Variants in ZNF69 observed in about 807,000 individuals in gnomAD.
ZNF69 encodes the protein ZNF3.
In ZNF69, 47 loss-of-function variants were observed where a neutral mutation model predicts 50.9. The ratio of observed to expected loss-of-function variants is 0.92; its 90% CI spans 0.73 to 1.18. The LOEUF (loss-of-function observed/expected upper bound fraction) is 1.18, where lower values mean the gene tolerates loss of function less well. Among genes scored for constraint, ZNF69 ranks in the 50% most tolerant of loss-of-function variants. The pLI, the probability that ZNF69 is intolerant of heterozygous loss-of-function variation, is 0.00. For synonymous variants in ZNF69, 216 were observed against 223.1 expected (o/e 0.97, Z 0.29); for missense variants, 717 against 675.1 (o/e 1.06, Z -0.69).
the ZNF69 span, among the ~76,000 whole-genome samples, chr19:11,928,549 G>A: frequency 7.3e-5 from 11 of 150,044 alleles, no homozygotes; most frequent in African/African-American, 1.0e-4. Context: ...CGGCTAAAAC[G>A]GTGAAACCCC....
the ZNF69 span, among the ~76,000 whole-genome samples, chr19:11,966,162 T>C: frequency 6.6e-6 from 1 of 152,200 alleles, no homozygotes; most frequent in Non-Finnish European, 1.5e-5. Context: ...TGGTATCTTC[T>C]TGCCACAAGG....
intron 1 of ZNF69, among the ~76,000 whole-genome samples, chr19:11,894,187 T>C (rs1977166082): frequency 6.6e-6 from 1 of 152,204 alleles, no homozygotes; most frequent in Non-Finnish European, 1.5e-5. Flanking sequence ...CTTTTTTTTT[T>C]GAGACAGAGC....
At chr19:11,933,865 T>A in the ZNF69 span, among the ~76,000 whole-genome samples, 3 of 143,356 alleles carry the variant, frequency 2.1e-5, no homozygotes, top group African/African-American at 8.5e-5. Context: ...AAAAAAAAAA[T>A]TTGTTTTTGT....
At chr19:11,957,292 C>T in the ZNF69 span, among the ~76,000 whole-genome samples, 3 of 151,686 alleles carry the variant, frequency 2.0e-5, no homozygotes, top group African/African-American at 7.2e-5. Context: ...GATGGGGTTT[C>T]ACCATGTTAG....
chr19:11,933,558 G>A, the ZNF69 span, among the ~76,000 whole-genome samples: 1 of 147,180 alleles, frequency 6.8e-6, no homozygotes, highest in Non-Finnish European at 1.5e-5. Context: ...TTTATCCCTG[G>A]CAACAAATGA....
the ZNF69 span, chr19:11,965,131 C>T: frequency 2.5e-6 from 4 of 1,601,206 alleles, no homozygotes; most frequent in East Asian, 2.2e-5. Flanking sequence ...AGGTTTCTAT[C>T]GCTCTGTCTC....
At chr19:11,944,831 A>G in the ZNF69 span, among the ~76,000 whole-genome samples, 1 of 152,202 alleles carries the variant, frequency 6.6e-6, no homozygotes, top group Non-Finnish European at 1.5e-5. Flanking sequence ...TAAATGTGAG[A>G]TGTAGAAGTA....
the ZNF69 span, among the ~76,000 whole-genome samples, chr19:11,962,554 T>A: frequency 2.6e-5 from 4 of 151,906 alleles, no homozygotes; most frequent in South Asian, 6.2e-4. Context: ...ACATATGGAG[T>A]CTCACTATAT....
At chr19:11,978,536 T>C in the ZNF69 span, 4 of 1,614,132 alleles carry the variant, frequency 2.5e-6, no homozygotes, top group African/African-American at 2.7e-5. Flanking sequence ...AATGTAAGTT[T>C]TGTGGGAAAG....
chr19:11,926,585 C>T, the ZNF69 span: 1 of 154,000 alleles, frequency 6.5e-6, no homozygotes, highest in African/African-American at 2.4e-5. Flanking sequence ...GATGGGGTTT[C>T]ACCATGTTGG....
chr19:11,978,704 A>C, the ZNF69 span: 28 of 1,614,156 alleles, frequency 1.7e-5, no homozygotes, highest in Non-Finnish European at 2.4e-5. Context: ...AATGTCAGCA[A>C]TGTGGGAAAG....
At chr19:11,935,296 G>T in the ZNF69 span, among the ~76,000 whole-genome samples, 1 of 144,184 alleles carries the variant, frequency 6.9e-6, no homozygotes, top group Non-Finnish European at 1.5e-5. Context: ...GAGTGCAGTG[G>T]TGTAATCTCG....
the ZNF69 span, among the ~76,000 whole-genome samples, chr19:11,952,602 A>G: frequency 6.6e-6 from 1 of 152,222 alleles, no homozygotes; most frequent in African/African-American, 2.4e-5. Context: ...TATTTAAAAA[A>G]CACTGTCAAA....
intron 1 of ZNF69, among the ~76,000 whole-genome samples, chr19:11,894,616 C>A (rs1266920873): frequency 1.3e-5 from 2 of 152,080 alleles, no homozygotes; most frequent in Non-Finnish European, 2.9e-5. Flanking sequence ...AGTATCAGCC[C>A]CTGAGTCACT....
the ZNF69 span, chr19:11,978,470 T>C: frequency 6.2e-7 from 1 of 1,614,160 alleles, no homozygotes; most frequent in Non-Finnish European, 8.5e-7. Flanking sequence ...AAACCTTTAT[T>C]TCCCATTCAG....
the ZNF69 span, among the ~76,000 whole-genome samples, chr19:11,936,870 T>C: frequency 7.2e-5 from 11 of 152,290 alleles, no homozygotes; most frequent in East Asian, 9.6e-4. Flanking sequence ...TTGTGTAAGG[T>C]GTAAGGAAGG....
the ZNF69 span, among the ~76,000 whole-genome samples, chr19:11,960,217 A>G: frequency 2.0e-5 from 3 of 151,918 alleles, no homozygotes; most frequent in African/African-American, 4.8e-5. Context: ...ATGGGGTTTC[A>G]CCATGTTGGC....
the ZNF69 span, among the ~76,000 whole-genome samples, chr19:11,974,004 A>G: frequency 6.6e-6 from 1 of 152,026 alleles, no homozygotes; most frequent in Non-Finnish European, 1.5e-5. Context: ...TTTGGGATTT[A>G]GGCTACCCCA....
chr19:11,948,591 T>C, the ZNF69 span: 2 of 1,607,814 alleles, frequency 1.2e-6, no homozygotes, highest in Non-Finnish European at 1.7e-6. Context: ...GGGATCACAC[T>C]GGAGAGAAAC....
Sources: gnomAD v4.1 joint callset for allele counts (sites outside exome capture counted in the v4.1 genomes callset) on GRCh38, gnomAD v4.1.1 for gene constraint, MANE v1.5 for transcripts, NCBI Gene and HGNC (gene_info 2026-07-23, HGNC 2026-07-21) for gene names.